Variants in RABGAP1L observed in about 807,000 individuals in gnomAD.
RABGAP1L encodes RAB GTPase activating protein 1 like, also known as rab GTPase-activating protein 1-like.
In RABGAP1L, 63 loss-of-function variants were observed where a neutral mutation model predicts 137.7. That is an observed-to-expected ratio of 0.46 (90% CI 0.37 to 0.56). The LOEUF is 0.56. Among genes scored for constraint, RABGAP1L ranks in the 20% least tolerant of loss-of-function variants. RABGAP1L has a pLI of 0.00. For missense variants in RABGAP1L, 1,095 were observed against 1,244.0 expected (o/e 0.88, Z 1.80); for synonymous variants, 431 against 433.7 (o/e 0.99, Z 0.08).
intron 20 of RABGAP1L, among the ~76,000 whole-genome samples, chr1:174,967,981 T>G (rs1279549151): frequency 6.6e-6 from 1 of 150,470 alleles, no homozygotes; most frequent in Admixed American, 6.6e-5. Context: ...ATAATCAAGG[T>G]GCGGTTTTGT....
At chr1:174,386,507 G>GTTTTCTTTTTTTT (rs1686791868) in intron 12 of RABGAP1L, among the ~76,000 whole-genome samples, 1 of 150,754 alleles carries the variant, frequency 6.6e-6, no homozygotes, top group Non-Finnish European at 1.5e-5. Context: ...GTGTGTTTGT[G>GTTTTCTTTTTTTT]TTTTCTTTTT....
chr1:174,259,837 A>ATT (rs57110611), intron 7 of RABGAP1L, among the ~76,000 whole-genome samples: 1,927 of 140,444 alleles, frequency 0.014, 33 homozygotes, highest in African/African-American at 0.038. Context: ...TTATTACTGC[A>ATT]TTTTTTTTTT....
At chr1:174,841,554 C>A (rs375831551) in intron 19 of RABGAP1L, among the ~76,000 whole-genome samples, 2 of 151,558 alleles carry the variant, frequency 1.3e-5, no homozygotes, top group African/African-American at 4.9e-5. Flanking sequence ...CATAAAAAAG[C>A]AGAAGAAGGG....
At chr1:174,254,290 A>G (rs76610955) in intron 7 of RABGAP1L, among the ~76,000 whole-genome samples, 9,194 of 152,226 alleles carry the variant, frequency 0.06, 967 homozygotes, top group African/African-American at 0.21. Context: ...TTCATATTGA[A>G]CATCTCTGAA....
At chr1:174,859,923 A>G (rs1017820354) in intron 19 of RABGAP1L, among the ~76,000 whole-genome samples, 14 of 150,490 alleles carry the variant, frequency 9.3e-5, no homozygotes, top group Non-Finnish European at 1.8e-4. Flanking sequence ...GTTAAACTTC[A>G]GTAGACTTGA....
At chr1:174,380,767 G>GT (rs1686063129) in intron 12 of RABGAP1L, among the ~76,000 whole-genome samples, 1 of 92,848 alleles carries the variant, frequency 1.1e-5, no homozygotes, top group Non-Finnish European at 2.1e-5. Context: ...TTTTTGAAGG[G>GT]TTTTTTGTGT....
intron 1 of RABGAP1L, among the ~76,000 whole-genome samples, chr1:174,192,064 CATAG>C (rs1204309473): frequency 1.3e-5 from 2 of 152,032 alleles, no homozygotes; most frequent in Non-Finnish European, 2.9e-5. Flanking sequence ...CTAAAAATTT[CATAG>C]ATGGAAGTAA....
chr1:174,905,774 C>T (rs1658955469), intron 19 of RABGAP1L, among the ~76,000 whole-genome samples: 1 of 151,998 alleles, frequency 6.6e-6, no homozygotes, highest in African/African-American at 2.4e-5. Context: ...TCACTTGACC[C>T]CACAAGGTGG....
intron 18 of RABGAP1L, among the ~76,000 whole-genome samples, chr1:174,797,271 A>G (rs1321444013): frequency 1.3e-5 from 2 of 152,126 alleles, no homozygotes; most frequent in Admixed American, 6.5e-5. Flanking sequence ...AAAAAATCCT[A>G]TAACCTAAGA....
intron 13 of RABGAP1L, among the ~76,000 whole-genome samples, chr1:174,569,452 G>A (rs975394367): frequency 6.6e-6 from 1 of 152,128 alleles, no homozygotes; most frequent in Non-Finnish European, 1.5e-5. Flanking sequence ...ATGGAACTTG[G>A]AAAACAGAGC....
At chr1:174,749,935 T>C (rs1461347579) in intron 17 of RABGAP1L, among the ~76,000 whole-genome samples, 2 of 152,152 alleles carry the variant, frequency 1.3e-5, no homozygotes, top group East Asian at 3.9e-4. Context: ...TGGAGTGCGA[T>C]CTCGGCTCAT....
intron 13 of RABGAP1L, among the ~76,000 whole-genome samples, chr1:174,431,341 T>C (rs562809131): frequency 6.6e-6 from 1 of 152,306 alleles, no homozygotes; most frequent in East Asian, 1.9e-4. Flanking sequence ...TCCAGATTTG[T>C]TAGTTTATAA....
At chr1:174,333,988 G>C (rs1225164182) in intron 11 of RABGAP1L, among the ~76,000 whole-genome samples, 1 of 152,076 alleles carries the variant, frequency 6.6e-6, no homozygotes, top group African/African-American at 2.4e-5. Flanking sequence ...ATTATCACTG[G>C]TCATCTGGAA....
chr1:174,375,079 T>G (rs1429524564), intron 12 of RABGAP1L, among the ~76,000 whole-genome samples: 1 of 152,106 alleles, frequency 6.6e-6, no homozygotes, highest in Non-Finnish European at 1.5e-5. Context: ...GGAAAGGAAG[T>G]AGAGACAGAC....
chr1:174,338,126 T>C (rs1243724142), intron 11 of RABGAP1L, among the ~76,000 whole-genome samples: 1 of 152,180 alleles, frequency 6.6e-6, no homozygotes, highest in Non-Finnish European at 1.5e-5. Context: ...TTAACCATGC[T>C]TGAGTATGAT....
rs1669932682 is a variant in RABGAP1L, at chr1:174,969,318, A to G, written c.2475A>G (p.Glu825=). The change falls in exon 21 of 26, where the codon GAA becomes GAG. Residue 825 remains glutamate, a synonymous_variant. Transcript: ENST00000681986. ...TACAGGAGGCCAGCATGAGGTTGGA[A>G]CAAGAGAATGATGACCTTGCCCATG... is the stretch of plus-strand genomic sequence containing the variant. ...RRLQEASMRL[E]QENDDLAHEL... is the part of the protein sequence containing the mutation. The G allele has an allele frequency of 4.5e-6, 7 of 1,550,764 alleles. No homozygotes were observed. In the African/African-American group the frequency reaches 8.2e-5, roughly 18 times the overall value.
At chr1:174,547,782 G>A (rs1323682625) in intron 13 of RABGAP1L, 2 of 1,402,430 alleles carry the variant, frequency 1.4e-6, no homozygotes, top group Non-Finnish European at 2.0e-6. Flanking sequence ...AGATGCATCA[G>A]TTTATTACCT....
intron 12 of RABGAP1L, among the ~76,000 whole-genome samples, chr1:174,387,635 A>G (rs1686905402): frequency 6.6e-6 from 1 of 151,942 alleles, no homozygotes; most frequent in South Asian, 2.1e-4. Context: ...GGTTGATGAT[A>G]TTTATACCAG....
At chr1:174,162,762 T>A (rs1260456434) in intron 1 of RABGAP1L, among the ~76,000 whole-genome samples, 1 of 143,128 alleles carries the variant, frequency 7.0e-6, no homozygotes, top group Admixed American at 7.2e-5. Flanking sequence ...TCTTTTTTTT[T>A]TTTTTTCTCT....
Sources: allele counts gnomAD v4.1 joint callset (sites outside exome capture counted in the v4.1 genomes callset), GRCh38; gene constraint gnomAD v4.1.1; transcripts MANE v1.5; gene names NCBI Gene and HGNC (gene_info 2026-07-23, HGNC 2026-07-21).